Variants in WWOX observed in about 807,000 individuals in gnomAD.
WWOX encodes the protein WW domain-containing oxidoreductase.
WWOX carries 69 observed loss-of-function variants against 46.2 expected under a neutral mutation model. The ratio of observed to expected loss-of-function variants is 1.49; its 90% CI spans 1.23 to 1.82. The LOEUF is 1.82. Among genes scored for constraint, WWOX ranks in the 40% most tolerant of loss-of-function variants. The pLI is 0.00. For missense variants in WWOX, 919 were observed against 542.6 expected (o/e 1.69, Z -6.89); for synonymous variants, 359 against 202.6 (o/e 1.77, Z -6.56).
intron 8 of WWOX, among the ~76,000 whole-genome samples, chr16:79,063,695 A>G (rs2048393581): frequency 6.6e-6 from 1 of 152,222 alleles, no homozygotes; most frequent in South Asian, 2.1e-4. Context: ...CCAGCACCTC[A>G]AGAAACCTCT....
At chr16:79,114,605 G>T (rs939074805) in intron 8 of WWOX, among the ~76,000 whole-genome samples, 4 of 152,058 alleles carry the variant, frequency 2.6e-5, no homozygotes, top group Non-Finnish European at 5.9e-5. Context: ...CGCAGCGCCA[G>T]AGACACCTTG....
In WWOX at chr16:78,424,882, G is replaced by A. The variant is rs376279847; in HGVS notation, c.618G>A (p.Val206=). 1.1e-4 allele frequency: 183 copies of A among 1,613,942 alleles called. No individual in the cohort carries two copies. In the African/African-American group the frequency reaches 2.3e-3, roughly 20 times the overall value. The change falls in exon 7 of 9, where the codon GTG becomes GTA. Residue 206 remains valine, a synonymous_variant. Coordinates refer to ENST00000566780, the MANE Select transcript of WWOX (RefSeq NM_016373.4). ...TTTTATTTTTCAGGCCTCTTCATGT[G>A]CTTGTGTGCAACGCAGCAACTTTTG... ...AFKAKNVPLH[V]LVCNAATFAL...
intron 3 of WWOX, among the ~76,000 whole-genome samples, chr16:78,113,601 G>T (rs1009792486): frequency 1.3e-5 from 2 of 152,124 alleles, no homozygotes; most frequent in African/African-American, 4.8e-5. Context: ...TTGCAGTGGG[G>T]TGCTGGTAAA....
chr16:79,144,697 A>T (rs1410680502), intron 8 of WWOX, among the ~76,000 whole-genome samples: 1 of 152,142 alleles, frequency 6.6e-6, no homozygotes, highest in Admixed American at 6.5e-5. Flanking sequence ...TATAAATTTT[A>T]TTGACCTAAT....
chr16:78,913,970 A>C lies in WWOX; in HGVS notation c.1057-297638A>C, dbSNP rs534109753. ...TCCACTGCACGTGGCCCATACTGCT[A>C]TTCCAGACAAGAAATTGTACCAGGA... On this transcript the variant is annotated intron_variant, in intron 8 of 8. Coordinates refer to ENST00000566780, the MANE Select transcript of WWOX (RefSeq NM_016373.4). Among the ~76,000 whole-genome samples the C allele has an allele frequency of 8.5e-5, 13 of 152,076 alleles. No homozygotes were observed. The South Asian group carries it at 2.7e-3, about 32-fold the overall frequency.
intron 8 of WWOX, among the ~76,000 whole-genome samples, chr16:79,189,421 CTTTGTGTGTG>C: frequency 1.6e-5 from 2 of 126,758 alleles, no homozygotes; most frequent in East Asian, 2.4e-4. Context: ...CCACTCCCAG[CTTTGTGTGTG>C]TGTGTGTGTG....
chr16:78,411,763 C>T (rs183780948), intron 6 of WWOX, among the ~76,000 whole-genome samples: 39 of 152,216 alleles, frequency 2.6e-4, no homozygotes, highest in African/African-American at 8.7e-4. Context: ...GTGACTACAC[C>T]TAAAAGGAAC....
chr16:78,507,948 C>T (rs183709043), intron 8 of WWOX, among the ~76,000 whole-genome samples: 93 of 151,704 alleles, frequency 6.1e-4, no homozygotes, highest in Middle Eastern at 3.4e-3. Flanking sequence ...TTTTTATGCA[C>T]GGACCTTTTA....
chr16:78,982,632 G>A (rs1285043601), intron 8 of WWOX, among the ~76,000 whole-genome samples: 2 of 152,212 alleles, frequency 1.3e-5, no homozygotes, highest in Non-Finnish European at 2.9e-5. Flanking sequence ...GGCAGAGAAG[G>A]AGGGAAGGAC....
intron 8 of WWOX, among the ~76,000 whole-genome samples, chr16:79,060,301 C>G (rs186320232): frequency 1.3e-5 from 2 of 152,344 alleles, no homozygotes; most frequent in East Asian, 1.9e-4. Context: ...GCCGGCCACA[C>G]TGTGAGTGCT....
intron 5 of WWOX, among the ~76,000 whole-genome samples, chr16:78,276,239 G>A (rs1274652114): frequency 6.6e-6 from 1 of 152,120 alleles, no homozygotes; most frequent in African/African-American, 2.4e-5. Flanking sequence ...TTAGACTTGG[G>A]GTAGGTTAGT....
intron 8 of WWOX, among the ~76,000 whole-genome samples, chr16:78,993,910 C>G (rs2046937965): frequency 6.6e-6 from 1 of 152,142 alleles, no homozygotes; most frequent in East Asian, 1.9e-4. Flanking sequence ...GGCATTATTT[C>G]CAGTGTATGT....
chr16:78,738,358 C>G (rs563902682), intron 8 of WWOX, among the ~76,000 whole-genome samples: 1 of 152,014 alleles, frequency 6.6e-6, no homozygotes, highest in Non-Finnish European at 1.5e-5. Context: ...GGCATAAAAT[C>G]AATATTTATG....
chr16:78,732,487 C>G (rs982050328), intron 8 of WWOX, among the ~76,000 whole-genome samples: 6 of 152,176 alleles, frequency 3.9e-5, no homozygotes, highest in Admixed American at 1.3e-4. Flanking sequence ...CAGAGGCTGA[C>G]TGTCCCCTTT....
At chr16:79,021,443 G>A (rs1449221841) in intron 8 of WWOX, among the ~76,000 whole-genome samples, 3 of 152,134 alleles carry the variant, frequency 2.0e-5, no homozygotes, top group African/African-American at 7.2e-5. Flanking sequence ...CGGGATCACA[G>A]AGGAAACCAA....
At chr16:78,641,887 G>T (rs2046722529) in intron 8 of WWOX, among the ~76,000 whole-genome samples, 2 of 152,304 alleles carry the variant, frequency 1.3e-5, no homozygotes, top group South Asian at 4.1e-4. Context: ...TTATTTCTGT[G>T]CACAGGCAGT....
chr16:78,166,086 C>T (rs1428949769), intron 5 of WWOX, among the ~76,000 whole-genome samples: 2 of 151,856 alleles, frequency 1.3e-5, no homozygotes, highest in East Asian at 3.9e-4. Context: ...TGGTCCTTCT[C>T]TTGGAAGATA....
At chr16:78,417,522 A>G (rs1020550592) in intron 6 of WWOX, among the ~76,000 whole-genome samples, 1 of 152,344 alleles carries the variant, frequency 6.6e-6, no homozygotes, top group Admixed American at 6.5e-5. Flanking sequence ...AAAAAGGAAA[A>G]AAAAGTATTA....
In WWOX at chr16:78,662,482, C is replaced by T. The variant is rs78861983; in HGVS notation, c.1056+229730C>T. On this transcript the variant is annotated intron_variant, in intron 8 of 8. Transcript: ENST00000566780. Reference sequence around the variant, plus strand: ...CTCAGTTCAAGAAAACCTCACTGAGCACCTACCATGTAGGTGCTCATCCCG... The same window carrying T: ...CTCAGTTCAAGAAAACCTCACTGAGTACCTACCATGTAGGTGCTCATCCCG... Among the ~76,000 whole-genome samples, 552 of 152,230 alleles carry T rather than the reference C, an allele frequency of 3.6e-3. 6 individuals carry two copies. Among genetic ancestry groups the T allele is most frequent in the African/African-American group, 0.013 (531 of 41,530 alleles).
Sources: gnomAD v4.1 joint callset for allele counts (sites outside exome capture counted in the v4.1 genomes callset) on GRCh38, gnomAD v4.1.1 for gene constraint, MANE v1.5 for transcripts, NCBI Gene and HGNC (gene_info 2026-07-23, HGNC 2026-07-21) for gene names.